Variants in PLXNA4 observed in about 807,000 individuals in gnomAD.
PLXNA4 encodes plexin-A4.
PLXNA4 carries 44 observed loss-of-function variants against 191.8 expected under a neutral mutation model. That is an observed-to-expected ratio of 0.23 (90% CI 0.18 to 0.29). PLXNA4 has a LOEUF of 0.29. PLXNA4 is among the 10% of genes least tolerant of loss of function. PLXNA4 has a pLI of 1.00. For missense variants in PLXNA4, 1,800 were observed against 2,488.8 expected (o/e 0.72, Z 5.89); for synonymous variants, 1,082 against 1,009.5 (o/e 1.07, Z -1.36).
At chr7:132,290,794 C>T (rs1800857186) in intron 4 of PLXNA4, among the ~76,000 whole-genome samples, 1 of 152,144 alleles carries the variant, frequency 6.6e-6, no homozygotes, top group Admixed American at 6.5e-5. Flanking sequence ...CTTAACAGTG[C>T]ACACTCGTAC....
At chr7:132,498,290 G>GA (rs1206640890) in intron 2 of PLXNA4, among the ~76,000 whole-genome samples, 2 of 152,142 alleles carry the variant, frequency 1.3e-5, no homozygotes, top group Non-Finnish European at 2.9e-5. Context: ...TCCATTTGCT[G>GA]ATAAAGACAT....
chr7:132,282,610 G>GAA (rs771817796), intron 4 of PLXNA4, among the ~76,000 whole-genome samples: 1 of 44,844 alleles, frequency 2.2e-5, no homozygotes, highest in Non-Finnish European at 4.3e-5. Flanking sequence ...CCTTGTCTCA[G>GAA]AAAAAAAAAA....
At chr7:132,329,160 G>A (rs1435893756) in intron 3 of PLXNA4, among the ~76,000 whole-genome samples, 1 of 152,144 alleles carries the variant, frequency 6.6e-6, no homozygotes, top group Admixed American at 6.5e-5. Flanking sequence ...CTGCCCAAAG[G>A]ACACCTTTTT....
chr7:132,552,687 A>T (rs1423464522), intron 1 of PLXNA4, among the ~76,000 whole-genome samples: 1 of 152,168 alleles, frequency 6.6e-6, no homozygotes, highest in Non-Finnish European at 1.5e-5. Flanking sequence ...CTGATACTCC[A>T]TTTTCTTCAT....
intron 4 of PLXNA4, among the ~76,000 whole-genome samples, chr7:132,258,437 C>T (rs958921796): frequency 6.6e-5 from 10 of 152,192 alleles, no homozygotes; most frequent in Non-Finnish European, 1.3e-4. Flanking sequence ...GGCGTCAGGC[C>T]GTTGCTGGCA....
chr7:132,252,487 T>G (rs201183418), intron 4 of PLXNA4, among the ~76,000 whole-genome samples: 1 of 151,840 alleles, frequency 6.6e-6, no homozygotes, highest in African/African-American at 2.4e-5. Flanking sequence ...AATTTTTGTA[T>G]TTTTAATAGA....
chr7:132,584,330 A>G lies in PLXNA4; in HGVS notation c.-87+61598T>C, dbSNP rs139896077. Among the ~76,000 whole-genome samples the G allele has an allele frequency of 2.8e-3, 421 of 152,312 alleles. 4 individuals are homozygous for G. The highest frequency in any genetic ancestry group is 9.7e-3 in the African/African-American group (402 of 41,574). ...TTTTTGACACTAAAATCAAATTGTT[A>G]TTCTTTCCTGCTAGGTAAACTGAGC... On this transcript the variant is annotated intron_variant, in intron 2 of 4. Transcript: ENST00000378539.
rs563879077 is a variant in PLXNA4, at chr7:132,520,451, C to A, written c.-86-11672G>T. Among the ~76,000 whole-genome samples, 6 of 152,260 alleles carry A rather than the reference C, an allele frequency of 3.9e-5. No homozygotes were observed. The South Asian group carries it at 1.2e-3, about 32-fold the overall frequency. On this transcript the variant is annotated intron_variant, in intron 1 of 31. Transcript: ENST00000321063. ...GCAGCAGGAGGCCAGCAGGAGGCCT[C>A]CAAGCATTGAAACTGCCCCACCCAC... is the stretch of plus-strand genomic sequence containing the variant.
Position 132,322,724 on chromosome 7 carries a change from G to A in PLXNA4, c.1372-24502C>T, listed in dbSNP as rs192943314. 1.2e-3 allele frequency among the ~76,000 whole-genome samples: 178 copies of A among 152,242 alleles called. 1 individual carries two copies. The highest frequency in any genetic ancestry group is 3.9e-3 in the African/African-American group (164 of 41,546). On this transcript the variant is annotated intron_variant, in intron 3 of 31. Coordinates refer to ENST00000321063, the MANE Select transcript of PLXNA4 (RefSeq NM_020911.2). ...ACTCATCTCCTCTTAAGCACCTCCC[G>A]TGCTGTATGTATTTTTAAACTATTG... is the stretch of plus-strand genomic sequence containing the variant.
At chr7:132,489,930 T>C (rs1797719406) in intron 2 of PLXNA4, among the ~76,000 whole-genome samples, 1 of 152,200 alleles carries the variant, frequency 6.6e-6, no homozygotes, top group Non-Finnish European at 1.5e-5. Context: ...TTCGTATCTA[T>C]ACAGAAGAGG....
chr7:132,257,720 C>T (rs1242078584), intron 4 of PLXNA4, among the ~76,000 whole-genome samples: 1 of 152,152 alleles, frequency 6.6e-6, no homozygotes, highest in African/African-American at 2.4e-5. Flanking sequence ...ACTGAGTGGG[C>T]CATTAGTTCT....
rs141730076 is a variant in PLXNA4 at position 132,466,431 on chromosome 7, C to T, written c.1371+22861G>A. On this transcript the variant is annotated intron_variant, in intron 3 of 31. Coordinates refer to ENST00000321063, the MANE Select transcript of PLXNA4 (RefSeq NM_020911.2). Reference sequence around the variant, plus strand: ...CTGTCCGGACCTCAGTTTCCTTGAGCGTCCTTAGCAACGATAAGCATATCT... The same window carrying T: ...CTGTCCGGACCTCAGTTTCCTTGAGTGTCCTTAGCAACGATAAGCATATCT... Among the ~76,000 whole-genome samples the T allele has an allele frequency of 3.0e-4, 45 of 152,312 alleles. No individual in the cohort carries two copies. The East Asian group carries it at 8.3e-3, about 28-fold the overall frequency.
chr7:132,512,675 G>A (rs937721264), intron 1 of PLXNA4, among the ~76,000 whole-genome samples: 6 of 152,124 alleles, frequency 3.9e-5, no homozygotes, highest in African/African-American at 1.4e-4. Flanking sequence ...ACACCCCGCC[G>A]AGCTTGGGAC....
intron 1 of PLXNA4, among the ~76,000 whole-genome samples, chr7:132,549,308 C>T (rs912506072): frequency 6.6e-6 from 1 of 152,160 alleles, no homozygotes; most frequent in Non-Finnish European, 1.5e-5. Flanking sequence ...AGGCCCCTAT[C>T]ATCATCCCAC....
At chr7:132,368,545 G>A (rs1804288895) in intron 3 of PLXNA4, among the ~76,000 whole-genome samples, 1 of 152,206 alleles carries the variant, frequency 6.6e-6, no homozygotes, top group Non-Finnish European at 1.5e-5. Flanking sequence ...GTCACCCTCT[G>A]TCTGCCCAGG....
chr7:132,265,247 G>T (rs1799805436), intron 4 of PLXNA4, among the ~76,000 whole-genome samples: 1 of 152,102 alleles, frequency 6.6e-6, no homozygotes, highest in Non-Finnish European at 1.5e-5. Context: ...TGATTGTCCA[G>T]GTTTCAAAAC....
At chr7:132,463,236 G>A (rs1414810133) in intron 3 of PLXNA4, among the ~76,000 whole-genome samples, 1 of 152,186 alleles carries the variant, frequency 6.6e-6, no homozygotes, top group East Asian at 1.9e-4. Context: ...CTTCCCAGGG[G>A]AGGAGGAAGG....
chr7:132,185,201 A>G, intron 16 of PLXNA4, 98 bp downstream of exon 16: 1 of 1,469,878 alleles, frequency 6.8e-7, no homozygotes, highest in South Asian at 1.4e-5. Flanking sequence ...CCATCCCCCA[A>G]GCAGGACTGG....
intron 3 of PLXNA4, among the ~76,000 whole-genome samples, chr7:132,425,153 G>T (rs1794995529): frequency 6.6e-6 from 1 of 152,230 alleles, no homozygotes; most frequent in African/African-American, 2.4e-5. Flanking sequence ...CTCAGGCCAT[G>T]TCAATCTCTT....
Sources: gnomAD v4.1 joint callset for allele counts (sites outside exome capture counted in the v4.1 genomes callset) on GRCh38, gnomAD v4.1.1 for gene constraint, MANE v1.5 for transcripts, NCBI Gene and HGNC (gene_info 2026-07-23, HGNC 2026-07-21) for gene names.